ZIC4: variants seen among roughly 807,000 people sequenced by gnomAD.
The protein encoded by ZIC4 is Zic family zinc finger 4.
In ZIC4, 15 loss-of-function variants were observed where a neutral mutation model predicts 28.8. That is an observed-to-expected ratio of 0.52 (90% CI 0.35 to 0.80). ZIC4 has a LOEUF of 0.80. ZIC4 is among the 30% of genes least tolerant of loss of function. The pLI is 0.01. For missense variants in ZIC4, 512 were observed against 467.1 expected (o/e 1.10, Z -0.89); for synonymous variants, 220 against 198.1 (o/e 1.11, Z -0.93).
chr3:147,394,601 T>C (rs911694320), intron 3 of ZIC4, among the ~76,000 whole-genome samples: 1 of 151,936 alleles, frequency 6.6e-6, no homozygotes, highest in Non-Finnish European at 1.5e-5. Context: ...CAGTGTGACC[T>C]ACCGCCCCTT....
chr3:147,391,927 A>G, intron 3 of ZIC4: 1 of 979,600 alleles, frequency 1.0e-6, no homozygotes, highest in Non-Finnish European at 1.2e-6. Flanking sequence ...CTTTCCTTCT[A>G]CCCCCTGAGG....
At chr3:147,392,502 G>A (rs1332870360) in intron 3 of ZIC4, 3 of 943,276 alleles carry the variant, frequency 3.2e-6, no homozygotes, top group Non-Finnish European at 3.8e-6. Context: ...GGAGCTGCAA[G>A]TGCTGCGGAA....
rs2107955542 is a variant in ZIC4, at chr3:147,386,641, G to A, written c.*2218C>T. 6.6e-6 allele frequency: 1 copy of A among 152,442 alleles called. No individual in the cohort carries two copies. Among genetic ancestry groups the A allele is most frequent in the African/African-American group, 2.4e-5 (1 of 41,550 alleles). 9.4% of individuals were successfully genotyped at this position (152,442 alleles called of 1,614,324 possible). On this transcript the variant is annotated 3_prime_UTR_variant, in exon 5 of 5. Coordinates refer to ENST00000383075, the MANE Select transcript of ZIC4 (RefSeq NM_032153.6). ...TTAAAACCACCACAGGAGTTTTGGG[G>A]AAACCTGAACTGGGTGAAAGTTTCT...
rs571030485 is a variant in ZIC4, at chr3:147,388,672, C to T, written c.*187G>A. The T allele has an allele frequency of 1.7e-6, 1 of 594,110 alleles. No individual in the cohort carries two copies. The highest frequency in any genetic ancestry group is 1.9e-5 in the African/African-American group (1 of 53,710). The allele number at this position is 594,110 out of a possible 1,614,324, so 36.8% of individuals were successfully genotyped here. A position where few individuals can be genotyped will look rare whatever the true frequency, so the allele number is the denominator to read the frequency against. ...GTCCTTAATGAAAAGCCTGGACGGG[C>T]TCCAGGCTTGGCCTTTCAGGATTTC... On this transcript the variant is annotated 3_prime_UTR_variant, in exon 5 of 5. Coordinates refer to ENST00000383075, the MANE Select transcript of ZIC4 (RefSeq NM_032153.6).
intron 1 of ZIC4, among the ~76,000 whole-genome samples, chr3:147,404,469 A>T (rs755045168): frequency 6.6e-6 from 1 of 152,186 alleles, no homozygotes; most frequent in Non-Finnish European, 1.5e-5. Context: ...CCACTTAGCA[A>T]ACAAGCCAGT....
At chr3:147,402,145 A>G (rs531940328) in intron 2 of ZIC4, among the ~76,000 whole-genome samples, 2 of 152,334 alleles carry the variant, frequency 1.3e-5, no homozygotes, top group Admixed American at 6.5e-5. Flanking sequence ...GCTTATTCTA[A>G]ATGGAATATT....
chr3:147,395,755 A>G, intron 3 of ZIC4, 97 bp downstream of exon 3: 1 of 1,511,188 alleles, frequency 6.6e-7, no homozygotes, highest in East Asian at 2.3e-5. Flanking sequence ...ACCCCAAAAT[A>G]TTTCCCCCTC....
chr3:147,390,418 G>C (rs1015497606), intron 4 of ZIC4, among the ~76,000 whole-genome samples: 2 of 152,054 alleles, frequency 1.3e-5, no homozygotes, highest in Non-Finnish European at 2.9e-5. Flanking sequence ...GGTTAGAGTG[G>C]GGGTGGGAGC....
At position 147,387,616 on chromosome 3, in the gene ZIC4, A is replaced by G. The variant is rs1185042602; in HGVS notation, c.*1243T>C. ...TAAACAACAAGACAATTAAGGGAACATGGACTTCTAACTTTCCTGCCATCT... is the reference window on the plus strand; with the variant it reads ...TAAACAACAAGACAATTAAGGGAACGTGGACTTCTAACTTTCCTGCCATCT... On this transcript the variant is annotated 3_prime_UTR_variant, in exon 5 of 5. Transcript: ENST00000383075. The G allele has an allele frequency of 1.3e-5, 2 of 152,612 alleles. No homozygotes were observed. Among genetic ancestry groups the G allele is most frequent in the Non-Finnish European group, 2.9e-5 (2 of 68,040 alleles). 9.5% of individuals were successfully genotyped at this position (152,612 alleles called of 1,614,324 possible). A position where few individuals can be genotyped will look rare whatever the true frequency, so the allele number is the denominator to read the frequency against.
intron 4 of ZIC4, among the ~76,000 whole-genome samples, chr3:147,390,301 A>C (rs2086885940): frequency 6.6e-6 from 1 of 151,838 alleles, no homozygotes; most frequent in African/African-American, 2.4e-5. Context: ...AACCATAGGA[A>C]GGCAAAGAGG....
intron 2 of ZIC4, among the ~76,000 whole-genome samples, chr3:147,401,414 G>A (rs1174219937): frequency 1.3e-5 from 2 of 152,220 alleles, no homozygotes; most frequent in Admixed American, 6.5e-5. Context: ...CCCAGATCAG[G>A]AGGTGGGCCT....
chr3:147,392,163 G>A, intron 3 of ZIC4: 1 of 985,586 alleles, frequency 1.0e-6, no homozygotes, highest in South Asian at 4.7e-5. Flanking sequence ...AGGGGTTGGC[G>A]CGGTAGGGTC....
Position 147,406,426 on chromosome 3 carries a change from G to A in ZIC4, c.-79C>T, listed in dbSNP as rs1004685699. ...CATCATTTCGGGGTGGCTGAGAGGGGACCACAAACCCCTCCAAGCCTCTCT... is the reference window on the plus strand; with the variant it reads ...CATCATTTCGGGGTGGCTGAGAGGGAACCACAAACCCCTCCAAGCCTCTCT... On this transcript the variant is annotated 5_prime_UTR_variant, in exon 1 of 5. Coordinates refer to ENST00000383075, the MANE Select transcript of ZIC4 (RefSeq NM_032153.6). 3.3e-5 allele frequency: 5 copies of A among 152,550 alleles called. No individual in the cohort carries two copies. Among genetic ancestry groups the A allele is most frequent in the Admixed American group, 2.0e-4 (3 of 15,288 alleles). 9.4% of individuals were successfully genotyped at this position (152,550 alleles called of 1,614,324 possible).
At chr3:147,393,751 A>T (rs1392281676) in intron 3 of ZIC4, 1 of 366,170 alleles carries the variant, frequency 2.7e-6, no homozygotes, top group African/African-American at 2.1e-5. Context: ...GACGCCGGGG[A>T]AGGTGTGGTG....
chr3:147,403,803 C>A, intron 1 of ZIC4: 1 of 731,470 alleles, frequency 1.4e-6, no homozygotes, highest in Non-Finnish European at 2.1e-6. Context: ...AAGTGGGACT[C>A]TGTTATCTTA....
Position 147,396,256 on chromosome 3 carries a change from A to G in ZIC4, c.284T>C (p.Leu95Pro). The stretch of plus-strand genomic sequence containing the variant: ...CAGGTTCATGCCCCCGTAGCCATGC[A>G]GGGCTGCGGCAGCTGCCAGGGCGTC... ...RSDALAAAAALHGYGGMNLTV... is the reference protein window; with the variant it reads ...RSDALAAAAAPHGYGGMNLTV... The change falls in exon 3 of 5, where the codon CTG becomes CCG. Residue 95 changes from leucine (L) to proline (P), a missense_variant. Physicochemically the swap from Leu to Pro is moderately conservative, Grantham distance 98. Transcript: ENST00000383075. This position sits in a 1 kb window ranked among gnomAD's most constrained non-coding sequence, Gnocchi z 4.2. 1.2e-6 allele frequency: 2 copies of G among 1,612,574 alleles called. No individual in the cohort carries two copies. The highest frequency in any genetic ancestry group is 2.7e-5 in the African/African-American group (2 of 75,000).
chr3:147,389,038 G>T (rs556172561), intron 4 of ZIC4, 179 bp from the exon 5 acceptor site: 16 of 618,994 alleles, frequency 2.6e-5, no homozygotes, highest in African/African-American at 2.4e-4. Context: ...AGCAAGTTCC[G>T]CAAATGCCCT....
In ZIC4 at chr3:147,404,057, A is replaced by G. The variant is rs2087223152; in HGVS notation, c.-15-1245T>C. 1.3e-6 allele frequency: 2 copies of G among 1,537,120 alleles called. No homozygotes were observed. The highest frequency in any genetic ancestry group is 1.7e-6 in the Non-Finnish European group (2 of 1,146,888). On this transcript the variant is annotated intron_variant, in intron 1 of 4. Transcript: ENST00000383075. ...AGCTCCTTCCAGCACAAATCAGGAA[A>G]GAAAGGAGGCCTAACTTTGCATTCC... is the stretch of plus-strand genomic sequence containing the variant.
chr3:147,405,351 C>T, intron 1 of ZIC4: 4 of 1,528,026 alleles, frequency 2.6e-6, no homozygotes, highest in Non-Finnish European at 3.5e-6. Context: ...ACAATACTGT[C>T]GGAAAGCGGG....
Sources: gnomAD v4.1 joint callset for allele counts (sites outside exome capture counted in the v4.1 genomes callset) on GRCh38, gnomAD v4.1.1 for gene constraint, Gnocchi (gnomAD v3.1) non-coding constraint, MANE v1.5 for transcripts, NCBI Gene and HGNC (gene_info 2026-07-23, HGNC 2026-07-21) for gene names.